URI1: variants seen among roughly 807,000 people sequenced by gnomAD.
URI1 encodes unconventional prefoldin RPB5 interactor 1.
URI1 carries 39 observed loss-of-function variants against 60.2 expected under a neutral mutation model. That is an observed-to-expected ratio of 0.65 (90% confidence interval 0.50 to 0.85). The LOEUF (loss-of-function observed/expected upper bound fraction) is 0.85. Among genes scored for constraint, URI1 ranks in the 40% least tolerant of loss-of-function variants. The pLI, the probability that URI1 is intolerant of heterozygous loss-of-function variation, is 0.00. For synonymous variants in URI1, 251 were observed against 236.8 expected (o/e 1.06, Z -0.55); for missense variants, 691 against 665.9 (o/e 1.04, Z -0.42).
intron 4 of URI1, among the ~76,000 whole-genome samples, chr19:30,001,800 C>G (rs551933088): frequency 6.6e-6 from 1 of 151,944 alleles, no homozygotes; most frequent in South Asian, 2.1e-4. Context: ...TGTCTATTTT[C>G]TCTTCAAATG....
intron 1 of URI1, among the ~76,000 whole-genome samples, chr19:29,959,086 A>G (rs1434097402): frequency 6.6e-6 from 1 of 152,128 alleles, no homozygotes; most frequent in African/African-American, 2.4e-5. Flanking sequence ...TGTATATCCT[A>G]TAAAAGTTTA....
rs117109782 is a variant in URI1, at chr19:29,926,564, G to A, written c.63+2810G>A. On this transcript the variant is annotated intron_variant, in intron 1 of 10. Coordinates refer to the URI1 transcript ENST00000360605. Reference sequence around the variant, plus strand: ...TCCAAAGTGCTGGGATTGCAGGCATGAGCCACCTCACCCAGCCTTAGAAAT... The same window carrying A: ...TCCAAAGTGCTGGGATTGCAGGCATAAGCCACCTCACCCAGCCTTAGAAAT... Among the ~76,000 whole-genome samples the A allele has an allele frequency of 6.6e-5, 10 of 152,286 alleles. No individual in the cohort carries two copies. The East Asian group carries it at 1.4e-3, about 21-fold the overall frequency.
intron 1 of URI1, among the ~76,000 whole-genome samples, chr19:29,942,869 G>A (rs902954609): frequency 6.6e-6 from 1 of 152,158 alleles, no homozygotes; most frequent in African/African-American, 2.4e-5. Flanking sequence ...CCGTTCGCCT[G>A]CCCAGGAAAG....
At chr19:30,013,910 G>A (rs2056053994) in intron 10 of URI1, among the ~76,000 whole-genome samples, 2 of 151,894 alleles carry the variant, frequency 1.3e-5, no homozygotes, top group Admixed American at 6.6e-5. Flanking sequence ...TTTCAGTGGT[G>A]GGGCAAGGTA....
chr19:29,935,714 T>TTTTTTTTTTTTTTTTTTTTTTTTTTTTC (rs2054964136), intron 1 of URI1, among the ~76,000 whole-genome samples: 1 of 149,240 alleles, frequency 6.7e-6, no homozygotes, highest in African/African-American at 2.5e-5. Flanking sequence ...TTTTTTTTTT[T>TTTTTTTTTTTTTTTTTTTTTTTTTTTTC]CCCCAGGACT....
At chr19:29,934,403 G>A (rs1377587278) in intron 1 of URI1, among the ~76,000 whole-genome samples, 3 of 152,210 alleles carry the variant, frequency 2.0e-5, no homozygotes, top group African/African-American at 7.2e-5. Context: ...AATTCTGGAG[G>A]CTGGAAGTCC....
chr19:29,935,848 G>A (rs1222448438), intron 1 of URI1, among the ~76,000 whole-genome samples: 1 of 151,546 alleles, frequency 6.6e-6, no homozygotes, highest in Non-Finnish European at 1.5e-5. Flanking sequence ...GTGAAATGGT[G>A]CCGTCTTGGC....
chr19:30,000,321 C>A (rs1338737015), intron 4 of URI1, among the ~76,000 whole-genome samples: 7 of 151,904 alleles, frequency 4.6e-5, no homozygotes, highest in African/African-American at 7.2e-5. Context: ...CAAAGGAGAG[C>A]CGTCTTCCTG....
intron 1 of URI1, among the ~76,000 whole-genome samples, chr19:29,952,091 C>T (rs1410599033): frequency 6.6e-6 from 1 of 152,194 alleles, no homozygotes; most frequent in Non-Finnish European, 1.5e-5. Flanking sequence ...AAAAAGCAGT[C>T]ATCACCATTT....
chr19:29,939,568 C>T (rs2055003819), upstream of URI1, among the ~76,000 whole-genome samples: 1 of 152,180 alleles, frequency 6.6e-6, no homozygotes, highest in Non-Finnish European at 1.5e-5. Flanking sequence ...GCCACTGCGC[C>T]CGGCCAAAGC....
chr19:29,989,984 TTC>T (rs1232947477), intron 4 of URI1, among the ~76,000 whole-genome samples: 2 of 152,182 alleles, frequency 1.3e-5, no homozygotes, highest in African/African-American at 4.8e-5. Flanking sequence ...GAAGATTTTC[TTC>T]TGTGTTTTCT....
chr19:30,009,831 TATAAAC>T (rs1223984809), intron 8 of URI1, among the ~76,000 whole-genome samples: 2 of 152,200 alleles, frequency 1.3e-5, no homozygotes, highest in African/African-American at 4.8e-5. Context: ...ACAAAGTAAA[TATAAAC>T]ATCTGTGGAT....
chr19:29,943,419 G>A (rs1394609771), intron 1 of URI1, among the ~76,000 whole-genome samples: 1 of 152,196 alleles, frequency 6.6e-6, no homozygotes, highest in African/African-American at 2.4e-5. Context: ...TGTGGATTCT[G>A]TGGTCTTTCA....
chr19:29,970,938 A>T (rs2055451870), intron 1 of URI1, among the ~76,000 whole-genome samples: 1 of 152,136 alleles, frequency 6.6e-6, no homozygotes, highest in Non-Finnish European at 1.5e-5. Flanking sequence ...AATAGTTATG[A>T]AGCGGGTTTT....
intron 1 of URI1, among the ~76,000 whole-genome samples, chr19:29,927,560 C>CTTTTTTTTTTTTTTT (rs3049080): frequency 1.5e-4 from 6 of 39,814 alleles, no homozygotes; most frequent in African/African-American, 6.4e-4. Flanking sequence ...CTGCACCCGG[C>CTTTTTTTTTTTTTTT]TTTTTTTTTT....
chr19:29,953,630 G>A (rs570635037), intron 1 of URI1, among the ~76,000 whole-genome samples: 148 of 151,676 alleles, frequency 9.8e-4, no homozygotes, highest in African/African-American at 3.4e-3. Flanking sequence ...ATATTTTGCT[G>A]TTGATTGCAT....
chr19:29,985,729 T>C (rs530201026), intron 3 of URI1, among the ~76,000 whole-genome samples: 3 of 152,302 alleles, frequency 2.0e-5, no homozygotes, highest in African/African-American at 7.2e-5. Context: ...CACATCGACA[T>C]AGTGATCTGT....
chr19:29,973,609 T>C (rs537995027), intron 2 of URI1, among the ~76,000 whole-genome samples: 67 of 152,158 alleles, frequency 4.4e-4, no homozygotes, highest in African/African-American at 1.6e-3. Context: ...TAATCTAAAT[T>C]GGTTTTTGTT....
At chr19:30,004,483 C>T (rs779048312) in intron 4 of URI1, 36 of 152,054 alleles carry the variant, frequency 2.4e-4, no homozygotes, top group Admixed American at 1.8e-3. Flanking sequence ...TCTCCTCCAT[C>T]CTCTTCTGAT....
Sources: gnomAD v4.1 joint callset for allele counts (sites outside exome capture counted in the v4.1 genomes callset) on GRCh38, gnomAD v4.1.1 for gene constraint, MANE v1.5 for transcripts, NCBI Gene and HGNC (gene_info 2026-07-23, HGNC 2026-07-21) for gene names.